KLB: variants seen among roughly 807,000 people sequenced by gnomAD.
KLB encodes the protein klotho beta.
KLB carries 44 observed loss-of-function variants against 88.4 expected under a neutral mutation model. The observed-to-expected ratio is 0.50, with a 90% CI of 0.39 to 0.64. The LOEUF is 0.64. Among genes scored for constraint, KLB ranks in the 30% least tolerant of loss-of-function variants. The pLI, the probability that KLB is intolerant of heterozygous loss-of-function variation, is 0.00. For synonymous variants in KLB, 548 were observed against 513.4 expected (o/e 1.07, Z -0.91); for missense variants, 1,137 against 1,304.8 (o/e 0.87, Z 1.98).
At chr4:39,424,848 C>T (rs745446398) in intron 1 of KLB, among the ~76,000 whole-genome samples, 4 of 151,958 alleles carry the variant, frequency 2.6e-5, no homozygotes, top group South Asian at 2.1e-4. Context: ...AGGCTGTTCT[C>T]GAATTCCTGA....
intron 1 of KLB, among the ~76,000 whole-genome samples, chr4:39,428,059 T>A (rs146735986): frequency 6.6e-6 from 1 of 152,294 alleles, no homozygotes; most frequent in African/African-American, 2.4e-5. Context: ...ATGTTTTATA[T>A]CCCATGGTCA....
intron 1 of KLB, among the ~76,000 whole-genome samples, chr4:39,409,735 C>G (rs7437091): frequency 0.2 from 30,694 of 151,338 alleles, 3,188 homozygotes; most frequent in East Asian, 0.36. Flanking sequence ...AGACCAGCCT[C>G]GCCAACATAG....
intron 1 of KLB, among the ~76,000 whole-genome samples, chr4:39,412,394 G>GC (rs140329312): frequency 0.047 from 7,184 of 151,790 alleles, 192 homozygotes; most frequent in Non-Finnish European, 0.057. Context: ...TCCATTAGTG[G>GC]CCCCCCCAAG....
At chr4:39,417,818 G>A (rs998969735) in intron 1 of KLB, among the ~76,000 whole-genome samples, 2 of 152,088 alleles carry the variant, frequency 1.3e-5, no homozygotes, top group African/African-American at 4.8e-5. Flanking sequence ...TGCCAGGTAG[G>A]TGTTCTGAAA....
rs575448795 is a variant in KLB, at chr4:39,408,127, A to T, written c.825+353A>T. ...TCTGACAACATGCAATCATTTCAGA[A>T]TTATCTTAAGGCACAACCATTTCAA... On this transcript the variant is annotated intron_variant, in intron 1 of 4. Transcript: ENST00000257408. 9.8e-5 allele frequency among the ~76,000 whole-genome samples: 15 copies of T among 152,332 alleles called. No homozygotes were observed. In the South Asian group the frequency reaches 3.1e-3, roughly 32 times the overall value.
rs902877992 is a variant in KLB, at chr4:39,447,143, T to G, written c.2417T>G (p.Leu806Arg). 24 of 1,613,482 alleles carry G rather than the reference T, an allele frequency of 1.5e-5. No homozygotes were observed. The highest frequency in any genetic ancestry group is 1.6e-4 in the Middle Eastern group (1 of 6,084). ...CTTTCCAGCTCGGCCCTGCCGCGCC[T>G]CACCGAGGCCGAAAGGAGGCTGCTC... Reference protein sequence around the residue: ...RGLSSSALPRLTEAERRLLKG... With the variant: ...RGLSSSALPRRTEAERRLLKG... Residue 806 changes from leucine to arginine, a missense_variant, in exon 4 of 5, where the codon CTC becomes CGC. Leu to Arg is a moderately radical substitution (Grantham distance 102). Coordinates refer to ENST00000257408, the MANE Select transcript of KLB (RefSeq NM_175737.4).
chr4:39,440,453 T>G (rs1173737817), intron 3 of KLB, among the ~76,000 whole-genome samples: 6 of 152,086 alleles, frequency 3.9e-5, no homozygotes, highest in African/African-American at 9.7e-5. Context: ...GACATGCCTG[T>G]ATTCTATTAA....
chr4:39,441,380 T>G (rs565684653), intron 3 of KLB, among the ~76,000 whole-genome samples: 6 of 152,188 alleles, frequency 3.9e-5, no homozygotes, highest in African/African-American at 1.4e-4. Flanking sequence ...TTTAATTGGG[T>G]TTATATATTT....
Position 39,447,067 on chromosome 4 carries a change from G to A in KLB, c.2341G>A (p.Asp781Asn), listed in dbSNP as rs1743767079. 3 of 1,612,894 alleles carry A rather than the reference G, an allele frequency of 1.9e-6. No homozygotes were observed. Among genetic ancestry groups the A allele is most frequent in the African/African-American group, 2.7e-5 (2 of 75,044 alleles). ...WFAEPLFKTGDYPAAMREYIA... is the reference protein window; with the variant it reads ...WFAEPLFKTGNYPAAMREYIA... ...CGCCGAGCCGCTCTTCAAGACCGGG[G>A]ACTACCCCGCGGCCATGAGGGAATA... Residue 781 changes from aspartate to asparagine, a missense_variant, in exon 4 of 5, where the codon GAC becomes AAC. Physicochemically the swap from Asp to Asn is conservative, Grantham distance 23 (BLOSUM62 1). This residue lies in a region of KLB where 426 missense variants were observed against 404.6 expected (regional missense o/e 1.05). Transcript: ENST00000257408.
intron 2 of KLB, among the ~76,000 whole-genome samples, chr4:39,437,007 G>A (rs1056885962): frequency 1.4e-4 from 22 of 152,246 alleles, no homozygotes; most frequent in Admixed American, 1.2e-3. Context: ...ACTGCGCCCC[G>A]CCTGTTGATT....
rs776950091 is a variant in KLB, at chr4:39,448,437, C to G, written c.2886C>G (p.Ile962Met). ...CAATACAATTTTACAACAAAGTGAT[C>G]AGCAGCAGGGGCTTCCCTTTTGAGA... ...KSSIQFYNKVISSRGFPFENS... is the reference protein window; with the variant it reads ...KSSIQFYNKVMSSRGFPFENS... The change falls in exon 5 of 5, where the codon ATC becomes ATG. Residue 962 changes from isoleucine (I) to methionine (M), a missense_variant. Coordinates refer to ENST00000257408, the MANE Select transcript of KLB (RefSeq NM_175737.4). The G allele has an allele frequency of 1.9e-6, 3 of 1,614,148 alleles. No individual in the cohort carries two copies. The highest frequency in any genetic ancestry group is 1.1e-5 in the South Asian group (1 of 91,076).
At position 39,416,850 on chromosome 4, in the gene KLB, C is replaced by T. The variant is rs78679902; in HGVS notation, c.825+9076C>T. ...ACCATTCCCATGATTAATAGCTAAG[C>T]CTTCTTTGCCAACGGACTGCTGCAA... On this transcript the variant is annotated intron_variant, in intron 1 of 4. Coordinates refer to ENST00000257408, the MANE Select transcript of KLB (RefSeq NM_175737.4). Among the ~76,000 whole-genome samples, 447 of 152,174 alleles carry T rather than the reference C, an allele frequency of 2.9e-3. 2 individuals carry two copies. The highest frequency in any genetic ancestry group is 0.01 in the African/African-American group (428 of 41,506).
intron 1 of KLB, among the ~76,000 whole-genome samples, chr4:39,426,712 G>C (rs753297142): frequency 6.6e-6 from 1 of 151,682 alleles, no homozygotes; most frequent in African/African-American, 2.4e-5. Flanking sequence ...TTAAGAGACG[G>C]GGTCTTGCTC....
intron 3 of KLB, among the ~76,000 whole-genome samples, chr4:39,444,138 C>T (rs915267536): frequency 3.9e-5 from 6 of 152,140 alleles, no homozygotes; most frequent in Non-Finnish European, 7.4e-5. Context: ...GCCTGGGCGA[C>T]AAGAACAAAA....
chr4:39,414,151 G>A (rs1742916939), intron 1 of KLB, among the ~76,000 whole-genome samples: 1 of 152,074 alleles, frequency 6.6e-6, no homozygotes, highest in Non-Finnish European at 1.5e-5. Flanking sequence ...ACTGGTTAAA[G>A]ACATGAAGCA....
chr4:39,447,462 G>C lies in KLB; in HGVS notation c.2736G>C (p.Gln912His). The C allele has an allele frequency of 6.3e-7, 1 of 1,582,652 alleles. No homozygotes were observed. The highest frequency in any genetic ancestry group is 1.7e-5 in the Admixed American group (1 of 57,492). The stretch of plus-strand genomic sequence containing the variant: ...AGTACTACCTAGGGAAGTACCTTCA[G>C]GAGGTGCTGAAAGGTAAGGGCGGGG... ...LRKYYLGKYL[Q>H]EVLKAYLIDK... is the part of the protein sequence containing the mutation. The change falls in exon 4 of 5, where the codon CAG becomes CAC. Residue 912 changes from glutamine (Q) to histidine (H), a missense_variant. This residue lies in a region of KLB where 426 missense variants were observed against 404.6 expected (regional missense o/e 1.05). Transcript: ENST00000257408.
intron 2 of KLB, among the ~76,000 whole-genome samples, chr4:39,435,170 T>A (rs1003546469): frequency 6.6e-6 from 1 of 151,046 alleles, no homozygotes; most frequent in African/African-American, 2.4e-5. Flanking sequence ...CAGGCTGGAG[T>A]GCAACAGTGC....
At chr4:39,439,003 CTTTTT>C (rs1343702750) in intron 3 of KLB, among the ~76,000 whole-genome samples, 1 of 139,968 alleles carries the variant, frequency 7.1e-6, no homozygotes. Context: ...TCTACTTCAT[CTTTTT>C]TTTTTTTTTT....
intron 2 of KLB, among the ~76,000 whole-genome samples, chr4:39,435,338 G>A (rs1037396413): frequency 3.3e-5 from 5 of 149,480 alleles, no homozygotes; most frequent in South Asian, 2.1e-4. Context: ...GGCTGGTCTC[G>A]AGCTCCTGAC....
Sources: gnomAD v4.1 joint callset for allele counts (sites outside exome capture counted in the v4.1 genomes callset) on GRCh38, gnomAD v4.1.1 for gene constraint, gnomAD v4.1.1 regional missense constraint, MANE v1.5 for transcripts, NCBI Gene and HGNC (gene_info 2026-07-23, HGNC 2026-07-21) for gene names.